Variants in VOPP1 observed in about 807,000 individuals in gnomAD.
VOPP1 encodes the protein WW domain binding protein VOPP1.
VOPP1 carries 8 observed loss-of-function variants against 23.5 expected under a neutral mutation model. The observed-to-expected ratio is 0.34, with a 90% CI of 0.20 to 0.61. VOPP1 has a LOEUF of 0.61. Ranked by LOEUF, VOPP1 falls within the 20% of genes least tolerant of loss-of-function variation. VOPP1 has a pLI of 0.78. For missense variants in VOPP1, 174 were observed against 238.1 expected, an observed-to-expected ratio of 0.73 and a Z score of 1.77; for synonymous variants, 83 against 97.3, an observed-to-expected ratio of 0.85 and a Z score of 0.86.
At chr7:55,439,584 G>A (rs1056343716) in intron 4 of VOPP1, among the ~76,000 whole-genome samples, 4 of 152,272 alleles carry the variant, frequency 2.6e-5, no homozygotes, top group Admixed American at 1.3e-4. Context: ...ACAGGACGCA[G>A]TGGAAGTGCT....
At chr7:55,548,060 G>A (rs1274012659) in intron 1 of VOPP1, among the ~76,000 whole-genome samples, 1 of 152,190 alleles carries the variant, frequency 6.6e-6, no homozygotes, top group Non-Finnish European at 1.5e-5. Context: ...GGGAATGGGA[G>A]GCAGGTGAAT....
intron 4 of VOPP1, among the ~76,000 whole-genome samples, chr7:55,445,033 C>T (rs1351401457): frequency 6.6e-6 from 1 of 152,136 alleles, no homozygotes; most frequent in Non-Finnish European, 1.5e-5. Flanking sequence ...CATCTTTGAC[C>T]TTCTGCCTGG....
intron 1 of VOPP1, among the ~76,000 whole-genome samples, chr7:55,560,444 G>A (rs771783739): frequency 6.6e-6 from 1 of 152,166 alleles, no homozygotes; most frequent in South Asian, 2.1e-4. Context: ...AGAAGCATGA[G>A]AGAAATTAGA....
chr7:55,566,382 G>A (rs1051213178), intron 1 of VOPP1, among the ~76,000 whole-genome samples: 1 of 151,866 alleles, frequency 6.6e-6, no homozygotes, highest in African/African-American at 2.4e-5. Context: ...GTGAAACCCC[G>A]TCTCTACTAA....
chr7:55,466,580 G>A (rs1404635374), downstream of VOPP1, among the ~76,000 whole-genome samples: 1 of 152,174 alleles, frequency 6.6e-6, no homozygotes, highest in African/African-American at 2.4e-5. Flanking sequence ...TTGGGATTGT[G>A]GTGAATGACC....
At chr7:55,506,596 TA>T (rs1794743297) in intron 2 of VOPP1, among the ~76,000 whole-genome samples, 1 of 151,600 alleles carries the variant, frequency 6.6e-6, no homozygotes, top group Non-Finnish European at 1.5e-5. Context: ...CTTGGCCTCC[TA>T]AAGTGCTGGG....
At chr7:55,559,352 G>A (rs545175109) in intron 1 of VOPP1, among the ~76,000 whole-genome samples, 1 of 152,264 alleles carries the variant, frequency 6.6e-6, no homozygotes, top group East Asian at 1.9e-4. Context: ...CCATCTTATG[G>A]AGGAAGGTGA....
In VOPP1 at chr7:55,476,623, C is replaced by A. The variant is rs575919444; in HGVS notation, c.329-3578G>T. On this transcript the variant is annotated intron_variant, in intron 4 of 4. Coordinates refer to ENST00000285279, the MANE Select transcript of VOPP1 (RefSeq NM_030796.5). ...TCCAGTTACACCAGGATCCCCACAC[C>A]ATTTTAGTCAGCCCCTCCAAACTCA... 5.3e-5 allele frequency among the ~76,000 whole-genome samples: 8 copies of A among 152,282 alleles called. No homozygotes were observed. In the East Asian group the frequency reaches 1.4e-3, roughly 26 times the overall value.
intron 2 of VOPP1, among the ~76,000 whole-genome samples, chr7:55,502,418 T>C (rs553102026): frequency 4.4e-4 from 67 of 152,394 alleles, no homozygotes; most frequent in African/African-American, 1.6e-3. Context: ...GAACCCTTTA[T>C]GCTCCTTCCA....
At chr7:55,481,877 C>T (rs1298282040) in intron 4 of VOPP1, among the ~76,000 whole-genome samples, 2 of 152,194 alleles carry the variant, frequency 1.3e-5, no homozygotes, top group African/African-American at 4.8e-5. Flanking sequence ...CCCCTAGTAT[C>T]CGGAGGTATG....
At chr7:55,493,815 C>CTG (rs1481215646) in intron 3 of VOPP1, among the ~76,000 whole-genome samples, 1 of 152,148 alleles carries the variant, frequency 6.6e-6, no homozygotes, top group African/African-American at 2.4e-5. Flanking sequence ...AAGAAGAATA[C>CTG]TGTGTGTGTG....
chr7:55,556,640 C>A (rs1468830935), intron 1 of VOPP1, among the ~76,000 whole-genome samples: 1 of 150,648 alleles, frequency 6.6e-6, no homozygotes, highest in African/African-American at 2.4e-5. Flanking sequence ...GTTGGAACCC[C>A]CCCCCAAAAC....
At chr7:55,516,642 T>C (rs1238756709) in intron 2 of VOPP1, among the ~76,000 whole-genome samples, 1 of 152,010 alleles carries the variant, frequency 6.6e-6, no homozygotes, top group Non-Finnish European at 1.5e-5. Context: ...AATATAGGAG[T>C]AAAATCTCTA....
At chr7:55,538,199 AGTCT>A (rs1244718301) in intron 1 of VOPP1, among the ~76,000 whole-genome samples, 1 of 152,202 alleles carries the variant, frequency 6.6e-6, no homozygotes, top group Non-Finnish European at 1.5e-5. Flanking sequence ...TTGCAAAGTC[AGTCT>A]ATTTTGCTAC....
At chr7:55,569,105 A>G (rs542519849) in intron 1 of VOPP1, among the ~76,000 whole-genome samples, 71 of 152,226 alleles carry the variant, frequency 4.7e-4, no homozygotes, top group Non-Finnish European at 9.1e-4. Flanking sequence ...CTGGCTGTGC[A>G]TGTAATTCAC....
At chr7:55,455,259 A>G (rs926477664) in intron 4 of VOPP1, among the ~76,000 whole-genome samples, 1 of 152,230 alleles carries the variant, frequency 6.6e-6, no homozygotes, top group Non-Finnish European at 1.5e-5. Context: ...AGGGAAGTGA[A>G]GGATCTCTTC....
chr7:55,438,812 C>T (rs1790894302), intron 4 of VOPP1, among the ~76,000 whole-genome samples: 1 of 152,108 alleles, frequency 6.6e-6, no homozygotes, highest in Non-Finnish European at 1.5e-5. Flanking sequence ...ACCCAGGCAG[C>T]GGGTCTGGGA....
intron 4 of VOPP1, among the ~76,000 whole-genome samples, chr7:55,465,276 A>G (rs953825012): frequency 6.6e-6 from 1 of 152,192 alleles, no homozygotes; most frequent in African/African-American, 2.4e-5. Flanking sequence ...ATCTCATCCC[A>G]TATAAGTAGT....
At chr7:55,460,629 A>G (rs765239099) in intron 4 of VOPP1, among the ~76,000 whole-genome samples, 9 of 152,212 alleles carry the variant, frequency 5.9e-5, no homozygotes, top group Non-Finnish European at 1.3e-4. Flanking sequence ...GTGCAAAAGT[A>G]ATTGCAGTTC....
Sources: allele counts gnomAD v4.1 joint callset (sites outside exome capture counted in the v4.1 genomes callset), GRCh38; gene constraint gnomAD v4.1.1; transcripts MANE v1.5; gene names NCBI Gene and HGNC (gene_info 2026-07-23, HGNC 2026-07-21).